Variants in ANK2 observed in about 807,000 individuals in gnomAD.
ANK2 encodes ankyrin-2.
ANK2 carries 83 observed loss-of-function variants against 360.5 expected under a neutral mutation model. The observed-to-expected ratio is 0.23, with a 90% CI of 0.19 to 0.28. The LOEUF is 0.28. ANK2 is among the 10% of genes least tolerant of loss of function. The pLI is 1.00. For synonymous variants in ANK2, 1,740 were observed against 1,759.5 expected (o/e 0.99, Z 0.28); for missense variants, 4,201 against 4,795.7 (o/e 0.88, Z 3.66).
chr4:113,096,413 C>T (rs1271145326), intron 1 of ANK2, among the ~76,000 whole-genome samples: 4 of 152,114 alleles, frequency 2.6e-5, no homozygotes, highest in African/African-American at 9.7e-5. Context: ...TCCATGGGCT[C>T]AGGAATCCAG....
At chr4:113,194,808 A>G (rs952739261) in intron 2 of ANK2, among the ~76,000 whole-genome samples, 3 of 152,176 alleles carry the variant, frequency 2.0e-5, no homozygotes, top group Non-Finnish European at 2.9e-5. Context: ...ATATTATTTT[A>G]TCAAAATTAA....
the ANK2 span, among the ~76,000 whole-genome samples, chr4:112,776,255 C>G: frequency 1.3e-3 from 194 of 152,296 alleles, no homozygotes; most frequent in Non-Finnish European, 2.2e-3. Context: ...TTAATATAAG[C>G]TTTACATGAC....
chr4:113,200,980 C>T (rs2153414850), intron 4 of ANK2, among the ~76,000 whole-genome samples: 1 of 152,110 alleles, frequency 6.6e-6, no homozygotes, highest in East Asian at 1.9e-4. Flanking sequence ...GGTACATGTA[C>T]ACCCATGTAA....
chr4:113,293,414 C>T (rs2068968593), intron 21 of ANK2, 26 bp from the exon 22 acceptor site: 1 of 1,593,604 alleles, frequency 6.3e-7, no homozygotes, highest in Non-Finnish European at 8.6e-7. Context: ...TTATTTCTCA[C>T]TCTCTCTCTT....
At chr4:113,351,748 T>C (rs545306740) in intron 37 of ANK2, among the ~76,000 whole-genome samples, 1 of 152,310 alleles carries the variant, frequency 6.6e-6, no homozygotes, top group East Asian at 1.9e-4. Context: ...TGTTACCATG[T>C]TGCTATGATG....
chr4:113,179,732 C>T (rs2098345539), intron 2 of ANK2, among the ~76,000 whole-genome samples: 1 of 152,166 alleles, frequency 6.6e-6, no homozygotes, highest in African/African-American at 2.4e-5. Context: ...AGTAATTCTG[C>T]ATAACTTAAT....
intron 1 of ANK2, among the ~76,000 whole-genome samples, chr4:113,112,154 T>C (rs1365267513): frequency 6.6e-6 from 1 of 152,250 alleles, no homozygotes; most frequent in Non-Finnish European, 1.5e-5. Context: ...CAGTTTAAGA[T>C]ACTATTATAG....
At chr4:113,177,091 AT>A (rs1330544894) in intron 2 of ANK2, among the ~76,000 whole-genome samples, 1 of 152,160 alleles carries the variant, frequency 6.6e-6, no homozygotes, top group Non-Finnish European at 1.5e-5. Context: ...AATATGGAAT[AT>A]TTAATACTTT....
chr4:113,074,882 C>T (rs2079217049), intron 1 of ANK2, among the ~76,000 whole-genome samples: 1 of 152,110 alleles, frequency 6.6e-6, no homozygotes, highest in East Asian at 1.9e-4. Flanking sequence ...GCATTTTTTT[C>T]TCATGTGCTA....
At chr4:113,166,338 T>A (rs897444151) in intron 1 of ANK2, among the ~76,000 whole-genome samples, 1 of 152,126 alleles carries the variant, frequency 6.6e-6, no homozygotes, top group Non-Finnish European at 1.5e-5. Flanking sequence ...TAAGTCACAC[T>A]TCTATTATGT....
At chr4:113,300,412 A>G (rs1401745421) in intron 22 of ANK2, among the ~76,000 whole-genome samples, 2 of 152,232 alleles carry the variant, frequency 1.3e-5, no homozygotes, top group African/African-American at 4.8e-5. Flanking sequence ...TGCATAATTT[A>G]GTATTAACAA....
chr4:113,246,307 G>T (rs918070872), intron 9 of ANK2, among the ~76,000 whole-genome samples: 2 of 152,084 alleles, frequency 1.3e-5, no homozygotes, highest in Non-Finnish European at 2.9e-5. Context: ...AGATAATTAA[G>T]AAACAAATAT....
At chr4:113,111,995 A>G (rs2094347680) in intron 1 of ANK2, among the ~76,000 whole-genome samples, 2 of 142,830 alleles carry the variant, frequency 1.4e-5, no homozygotes, top group African/African-American at 2.7e-5. Context: ...TGGCTGGCTC[A>G]TAGTAGGCCT....
intron 2 of ANK2, among the ~76,000 whole-genome samples, chr4:112,994,980 C>T (rs1449291395): frequency 6.6e-6 from 1 of 152,148 alleles, no homozygotes; most frequent in Admixed American, 6.5e-5. Flanking sequence ...TGTATATGTA[C>T]CACATTTTCT....
In ANK2 at chr4:112,917,235, A is replaced by G. The variant is rs368233789; in HGVS notation, c.21+12721A>G. ...CACAATGAAAAAGAGCTTCTAACAGACTCTTTATTGATAACTCTCGTGGAT... is the reference window on the plus strand; with the variant it reads ...CACAATGAAAAAGAGCTTCTAACAGGCTCTTTATTGATAACTCTCGTGGAT... On this transcript the variant is annotated intron_variant, in intron 2 of 30. Transcript: ENST00000503271. 1.4e-3 allele frequency among the ~76,000 whole-genome samples: 216 copies of G among 152,162 alleles called. 1 individual carries two copies. The highest frequency in any genetic ancestry group is 4.8e-3 in the African/African-American group (201 of 41,492).
intron 3 of ANK2, among the ~76,000 whole-genome samples, chr4:113,198,608 G>A (rs1336484708): frequency 6.6e-6 from 1 of 151,942 alleles, no homozygotes; most frequent in Non-Finnish European, 1.5e-5. Flanking sequence ...AAATTCCTAG[G>A]TTTCTTTGCA....
intron 22 of ANK2, among the ~76,000 whole-genome samples, chr4:113,296,699 T>A (rs960614449): frequency 3.3e-5 from 5 of 152,198 alleles, no homozygotes; most frequent in African/African-American, 1.2e-4. Context: ...TGAGACATTT[T>A]AGCATTCTCC....
At chr4:113,134,520 A>G (rs1370318116) in intron 1 of ANK2, among the ~76,000 whole-genome samples, 2 of 152,052 alleles carry the variant, frequency 1.3e-5, no homozygotes, top group East Asian at 3.9e-4. Context: ...AGTATGGAAT[A>G]ATAATAAACT....
chr4:112,879,616 A>G (rs537909242), intron 1 of ANK2, among the ~76,000 whole-genome samples: 40 of 152,354 alleles, frequency 2.6e-4, no homozygotes, highest in Non-Finnish European at 3.8e-4. Flanking sequence ...AATTTATTAT[A>G]TAGTAATAGA....
Sources: allele counts gnomAD v4.1 joint callset (sites outside exome capture counted in the v4.1 genomes callset), GRCh38; gene constraint gnomAD v4.1.1; transcripts MANE v1.5; gene names NCBI Gene and HGNC (gene_info 2026-07-23, HGNC 2026-07-21).